Variants in EML5 observed in about 807,000 individuals in gnomAD.
The protein encoded by EML5 is echinoderm microtubule-associated protein-like 5.
EML5 carries 120 observed loss-of-function variants against 250.0 expected under a neutral mutation model. That is an observed-to-expected ratio of 0.48 (90% confidence interval 0.41 to 0.56). The LOEUF is 0.56. EML5 is among the 20% of genes least tolerant of loss of function. The pLI, the probability that EML5 is intolerant of heterozygous loss-of-function variation, is 0.00. For missense variants in EML5, 2,006 were observed against 2,437.6 expected (o/e 0.82, Z 3.73); for synonymous variants, 771 against 806.5 (o/e 0.96, Z 0.75).
chr14:88,702,048 G>A (rs1056988811), intron 14 of EML5, among the ~76,000 whole-genome samples: 73 of 152,208 alleles, frequency 4.8e-4, no homozygotes, highest in African/African-American at 1.7e-3. Context: ...TATCATGGTT[G>A]TAAAATAAAG....
chr14:88,655,657 A>C (rs1451595516), intron 27 of EML5, among the ~76,000 whole-genome samples: 1 of 152,236 alleles, frequency 6.6e-6, no homozygotes, highest in Non-Finnish European at 1.5e-5. Context: ...GCTTCTGCAC[A>C]GCAAGAGAAA....
At chr14:88,660,282 T>TAAAA (rs35634830) in intron 25 of EML5, among the ~76,000 whole-genome samples, 33 of 133,894 alleles carry the variant, frequency 2.5e-4, no homozygotes, top group African/African-American at 8.6e-4. Flanking sequence ...GACGCTGTCT[T>TAAAA]AAAAAAAAAA....
In EML5 at chr14:88,693,852, C is replaced by T. The variant is rs547320888; in HGVS notation, c.2539+455G>A. On this transcript the variant is annotated intron_variant, in intron 17 of 43. Transcript: ENST00000554922. ...AGTGGGAGATCACAGCTCACTGCAG[C>T]CTTAACCTCCTGGGCTCAAGTGATC... Among the ~76,000 whole-genome samples the T allele has an allele frequency of 1.5e-4, 22 of 147,544 alleles. 1 individual carries two copies. The South Asian group carries it at 4.5e-3, about 30-fold the overall frequency.
At chr14:88,648,075 A>C (rs1285651318) in intron 28 of EML5, among the ~76,000 whole-genome samples, 1 of 152,164 alleles carries the variant, frequency 6.6e-6, no homozygotes, top group Non-Finnish European at 1.5e-5. Flanking sequence ...TAAAAAAAGT[A>C]ATCTTTAAAA....
chr14:88,782,993 C>T (rs1026222346), intron 1 of EML5, among the ~76,000 whole-genome samples: 6 of 151,984 alleles, frequency 3.9e-5, no homozygotes, highest in Middle Eastern at 3.2e-3. Flanking sequence ...ACAGAAGAAT[C>T]GCTTGAACCC....
At chr14:88,618,465 C>T (rs1054828576) in intron 40 of EML5, 134 bp from the exon 41 acceptor site, 1 of 1,097,520 alleles carries the variant, frequency 9.1e-7, no homozygotes. Flanking sequence ...AAGATCACTA[C>T]AAAAACTTAA....
In EML5 at chr14:88,626,895, T is replaced by C. The variant is rs770155723; in HGVS notation, c.4683A>G (p.Leu1561=). ...AGRALLSKKG[L]LSTLEDARMQ... ...TCCGGGCATCTTCCAGTGTGCTCAG[T>C]AGCCCTTTTTTGCTAAGAAGAGCTC... Residue 1561 remains leucine (L), a synonymous_variant, in exon 35 of 44, where the codon CTA becomes CTG. Coordinates refer to ENST00000554922, the MANE Select transcript of EML5 (RefSeq NM_183387.3). 3.1e-6 allele frequency: 5 copies of C among 1,613,862 alleles called. No individual in the cohort carries two copies. The highest frequency in any genetic ancestry group is 1.7e-5 in the Admixed American group (1 of 60,008).
intron 10 of EML5, among the ~76,000 whole-genome samples, chr14:88,708,401 A>G (rs1419660141): frequency 2.0e-5 from 3 of 152,178 alleles, no homozygotes; most frequent in Non-Finnish European, 4.4e-5. Context: ...CAATAAAACT[A>G]TAAGCTCTTT....
chr14:88,716,511 G>A (rs78654654), intron 8 of EML5, among the ~76,000 whole-genome samples: 2,117 of 152,156 alleles, frequency 0.014, 30 homozygotes, highest in Middle Eastern at 0.037. Context: ...TTTAAGAAAA[G>A]TCTAAGGCAC....
At chr14:88,762,702 A>G (rs1438591340) in intron 1 of EML5, among the ~76,000 whole-genome samples, 3 of 152,176 alleles carry the variant, frequency 2.0e-5, no homozygotes. Flanking sequence ...AATCAACAGA[A>G]TATACACTCT....
chr14:88,736,867 T>G (rs1414724247), intron 6 of EML5, among the ~76,000 whole-genome samples: 1 of 152,140 alleles, frequency 6.6e-6, no homozygotes, highest in Non-Finnish European at 1.5e-5. Flanking sequence ...GGGTGCTTTT[T>G]TTAAGCCTTT....
intron 23 of EML5, among the ~76,000 whole-genome samples, chr14:88,663,848 T>G (rs1471641333): frequency 6.6e-6 from 1 of 152,122 alleles, no homozygotes; most frequent in Non-Finnish European, 1.5e-5. Flanking sequence ...ATTTCTATAT[T>G]CTATTTATGT....
chr14:88,706,138 T>C, intron 11 of EML5, 121 bp downstream of exon 11: 1 of 923,772 alleles, frequency 1.1e-6, no homozygotes, highest in South Asian at 2.0e-5. Context: ...AAATTTCTAC[T>C]AATAACAAAC....
intron 22 of EML5, among the ~76,000 whole-genome samples, chr14:88,665,053 A>G (rs576097349): frequency 6.6e-6 from 1 of 152,340 alleles, no homozygotes; most frequent in South Asian, 2.1e-4. Context: ...TTAAGAATAT[A>G]ACGAAAACAG....
chr14:88,617,588 G>A (rs531431594), intron 41 of EML5: 1 of 152,426 alleles, frequency 6.6e-6, no homozygotes, highest in Non-Finnish European at 1.5e-5. Context: ...GGGCAATATT[G>A]TGAGATCCCT....
At position 88,736,548 on chromosome 14, in the gene EML5, C is replaced by T. The variant is rs748505867; in HGVS notation, c.865G>A (p.Val289Met). 6.2e-7 allele frequency: 1 copy of T among 1,613,998 alleles called. No homozygotes were observed. Among genetic ancestry groups the T allele is most frequent in the Non-Finnish European group, 8.5e-7 (1 of 1,179,892 alleles). The change falls in exon 7 of 44, where the codon GTG becomes ATG. Residue 289 changes from valine to methionine, a missense_variant. By Grantham distance (21) the Val-to-Met change is conservative. Transcript: ENST00000554922. ...QGYKGLSVRS[V>M]CWRGDHILVG... ...AGAATGTGGTCACCTCGCCAACACA[C>T]ACTCCTTACAGACAAACCTAGTAAA...
Position 88,618,299 on chromosome 14 carries a change from A to G in EML5, c.5571T>C (p.Tyr1857=), listed in dbSNP as rs760188556. 5.0e-6 allele frequency: 8 copies of G among 1,613,740 alleles called. No individual in the cohort carries two copies. Among genetic ancestry groups the G allele is most frequent in the Non-Finnish European group, 4.2e-6 (5 of 1,179,882 alleles). Residue 1857 remains tyrosine, a synonymous_variant, in exon 41 of 44, where the codon TAT becomes TAC. Coordinates refer to ENST00000554922, the MANE Select transcript of EML5 (RefSeq NM_183387.3). The stretch of plus-strand genomic sequence containing the variant: ...TAAGATGTTTTCCTGAAGGCACTTC[A>G]TAGACATGCCGTTTATAGCAGCCAC... ...VSSGCYKRHV[Y]EVPSGKHLMD... is the part of the protein sequence containing the mutation.
chr14:88,669,457 A>G (rs936900327), intron 21 of EML5, among the ~76,000 whole-genome samples: 1 of 152,202 alleles, frequency 6.6e-6, no homozygotes, highest in African/African-American at 2.4e-5. Flanking sequence ...ACAGTGCAGC[A>G]CAGAGGCTGT....
At chr14:88,756,935 G>A (rs2094168908) in intron 1 of EML5, among the ~76,000 whole-genome samples, 1 of 152,136 alleles carries the variant, frequency 6.6e-6, no homozygotes, top group African/African-American at 2.4e-5. Context: ...CATAATCCTT[G>A]TCAAAATACT....
Sources: allele counts gnomAD v4.1 joint callset (sites outside exome capture counted in the v4.1 genomes callset), GRCh38; gene constraint gnomAD v4.1.1; transcripts MANE v1.5; gene names NCBI Gene and HGNC (gene_info 2026-07-23, HGNC 2026-07-21).